The following EGFLAM variants were observed in gnomAD, a reference collection of about 807,000 sequenced individuals.
EGFLAM encodes EGF like, fibronectin type III and laminin G domains, also known as pikachurin.
In EGFLAM, 79 loss-of-function variants were observed where a neutral mutation model predicts 113.1. That is an observed-to-expected ratio of 0.70 (90% CI 0.58 to 0.84). The LOEUF is 0.84. Ranked by LOEUF, EGFLAM falls within the 40% of genes least tolerant of loss-of-function variation. EGFLAM has a pLI of 0.00. For synonymous variants in EGFLAM, 504 were observed against 487.6 expected, an observed-to-expected ratio of 1.03 and a Z score of -0.44; for missense variants, 1,265 against 1,291.6, an observed-to-expected ratio of 0.98 and a Z score of 0.32.
chr5:38,310,043 G>T (rs1738386802), intron 1 of EGFLAM, among the ~76,000 whole-genome samples: 1 of 152,170 alleles, frequency 6.6e-6, no homozygotes, highest in South Asian at 2.1e-4. Context: ...AGTGTTTGAG[G>T]AACACACAGA....
At chr5:38,428,443 G>A (rs983066390) in intron 14 of EGFLAM, among the ~76,000 whole-genome samples, 7 of 152,200 alleles carry the variant, frequency 4.6e-5, no homozygotes, top group African/African-American at 1.7e-4. Context: ...CTCTGGTTAT[G>A]CAAAAACATC....
At chr5:38,373,212 C>A (rs180873120) in intron 6 of EGFLAM, among the ~76,000 whole-genome samples, 1,510 of 142,588 alleles carry the variant, frequency 0.011, 84 homozygotes, top group Admixed American at 0.085. Flanking sequence ...CCCCTTTTTA[C>A]AGATTAAAAA....
chr5:38,416,578 G>T (rs117835945), intron 11 of EGFLAM, among the ~76,000 whole-genome samples: 1 of 152,304 alleles, frequency 6.6e-6, no homozygotes, highest in East Asian at 1.9e-4. Flanking sequence ...TGTTGCCCGG[G>T]ATCTTGCGAA....
At chr5:38,424,251 T>A (rs1209323455) in intron 12 of EGFLAM, among the ~76,000 whole-genome samples, 4 of 152,236 alleles carry the variant, frequency 2.6e-5, no homozygotes, top group Non-Finnish European at 5.9e-5. Flanking sequence ...AAGGATACCC[T>A]TTCTGGATCT....
At chr5:38,411,500 T>A (rs1741478026) in intron 10 of EGFLAM, among the ~76,000 whole-genome samples, 1 of 149,230 alleles carries the variant, frequency 6.7e-6, no homozygotes, top group Non-Finnish European at 1.5e-5. Context: ...TTTTTTTTTT[T>A]TTTTGAGACA....
intron 11 of EGFLAM, among the ~76,000 whole-genome samples, chr5:38,416,675 AGATCATG>A (rs766483719): frequency 2.2e-4 from 34 of 152,216 alleles, no homozygotes; most frequent in Non-Finnish European, 4.4e-4. Context: ...CTGTGGTCCC[AGATCATG>A]GAACAAAACT....
intron 1 of EGFLAM, chr5:38,286,392 A>G (rs1758161321): frequency 6.6e-6 from 1 of 152,226 alleles, no homozygotes; most frequent in South Asian, 2.1e-4. Flanking sequence ...ACATGACCCA[A>G]GTGAATACTC....
At position 38,463,968 on chromosome 5, in the gene EGFLAM, C is replaced by G. The variant is rs751736898; in HGVS notation, c.3012C>G (p.Asn1004Lys). The change falls in exon 22 of 22, where the codon AAC becomes AAG. Residue 1004 changes from asparagine to lysine, a missense_variant. Asn to Lys is a moderately conservative substitution (Grantham distance 94). Transcript: ENST00000322350. ...ATGCCGTGGATGGGAAAAACATCAA[C>G]ACTTGTGGAGCCAAGTAACACCAGC... is the stretch of plus-strand genomic sequence containing the variant. ...VEDAVDGKNI[N>K]TCGAK 6.2e-7 allele frequency: 1 copy of G among 1,614,260 alleles called. No homozygotes were observed. The highest frequency in any genetic ancestry group is 1.7e-5 in the Admixed American group (1 of 60,030).
chr5:38,425,405 G>A (rs1307029056), intron 13 of EGFLAM, among the ~76,000 whole-genome samples: 1 of 152,166 alleles, frequency 6.6e-6, no homozygotes, highest in East Asian at 1.9e-4. Flanking sequence ...GACCTCAAGT[G>A]ATCCACCCGC....
At chr5:38,369,170 C>T (rs373615579) in intron 5 of EGFLAM, among the ~76,000 whole-genome samples, 60 of 152,186 alleles carry the variant, frequency 3.9e-4, no homozygotes, top group South Asian at 1.0e-3. Flanking sequence ...TGAAAGTTTA[C>T]GTTTTCTAAG....
At chr5:38,377,987 T>A (rs114030628) in intron 6 of EGFLAM, among the ~76,000 whole-genome samples, 3,409 of 152,346 alleles carry the variant, frequency 0.022, 55 homozygotes, top group Non-Finnish European at 0.031. Context: ...AGGCTAATTA[T>A]GGTCTCAGAT....
At chr5:38,395,027 G>C (rs553113762) in intron 6 of EGFLAM, among the ~76,000 whole-genome samples, 1 of 151,784 alleles carries the variant, frequency 6.6e-6, no homozygotes, top group East Asian at 2.0e-4. Flanking sequence ...TACAACCTTC[G>C]CCTCCCGGAT....
At chr5:38,444,414 A>G (rs1018291671) in intron 17 of EGFLAM, among the ~76,000 whole-genome samples, 2 of 152,324 alleles carry the variant, frequency 1.3e-5, no homozygotes, top group African/African-American at 2.4e-5. Context: ...TAGGATGACT[A>G]TAGTTAACAA....
At chr5:38,347,014 G>A (rs555124049) in intron 3 of EGFLAM, among the ~76,000 whole-genome samples, 5 of 152,282 alleles carry the variant, frequency 3.3e-5, no homozygotes, top group African/African-American at 9.6e-5. Flanking sequence ...AGAGTCAAAG[G>A]GGCCGTAACT....
In EGFLAM at chr5:38,412,615, G is replaced by C. The variant is rs781372881; in HGVS notation, c.1461G>C (p.Leu487=). 1 of 1,614,128 alleles carries C rather than the reference G, an allele frequency of 6.2e-7. No homozygotes were observed. Among genetic ancestry groups the C allele is most frequent in the Non-Finnish European group, 8.5e-7 (1 of 1,180,022 alleles). Reference sequence around the variant, plus strand: ...ATGGGCTGAACGGGCTGCTGCAGCTGAACAATGGCACCCCAGTGACAGGCC... The same window carrying C: ...ATGGGCTGAACGGGCTGCTGCAGCTCAACAATGGCACCCCAGTGACAGGCC... The part of the protein sequence containing the change: ...YRDGLNGLLQ[L]NNGTPVTGQS... The change falls in exon 11 of 22, where the codon CTG becomes CTC. Residue 487 remains leucine, a synonymous_variant. Coordinates refer to ENST00000322350, the MANE Select transcript of EGFLAM (RefSeq NM_152403.4).
At chr5:38,315,793 A>G (rs1738578038) in intron 1 of EGFLAM, among the ~76,000 whole-genome samples, 2 of 152,184 alleles carry the variant, frequency 1.3e-5, no homozygotes, top group South Asian at 2.1e-4. Flanking sequence ...GCCTAAGCAC[A>G]GGCCGGGCAT....
At chr5:38,258,884 C>T in intron 1 of EGFLAM, 33 bp downstream of exon 1, 1 of 1,592,132 alleles carries the variant, frequency 6.3e-7, no homozygotes, top group Non-Finnish European at 8.6e-7. Flanking sequence ...GCCACCACGC[C>T]CCGAGCGCCC....
intron 11 of EGFLAM, among the ~76,000 whole-genome samples, chr5:38,417,489 C>T (rs1490661761): frequency 6.6e-6 from 1 of 151,856 alleles, no homozygotes; most frequent in Non-Finnish European, 1.5e-5. Context: ...AGTTTCCCTA[C>T]CTCACTGTAA....
chr5:38,395,782 C>T (rs1233015885), intron 6 of EGFLAM, among the ~76,000 whole-genome samples: 1 of 152,142 alleles, frequency 6.6e-6, no homozygotes. Flanking sequence ...GATGTAGCTC[C>T]TGATTTCTCA....
Sources: gnomAD v4.1 joint callset for allele counts (sites outside exome capture counted in the v4.1 genomes callset) on GRCh38, gnomAD v4.1.1 for gene constraint, MANE v1.5 for transcripts, NCBI Gene and HGNC (gene_info 2026-07-23, HGNC 2026-07-21) for gene names.